The following FAM131C variants were observed in gnomAD, a reference collection of about 807,000 sequenced individuals.
FAM131C encodes the protein family with sequence similarity 131 member C.
In FAM131C, 14 loss-of-function variants were observed where a neutral mutation model predicts 29.8. The ratio of observed to expected loss-of-function variants is 0.47; its 90% CI spans 0.31 to 0.73. The LOEUF (loss-of-function observed/expected upper bound fraction) is 0.73, where lower values mean the gene tolerates loss of function less well. Ranked by LOEUF, FAM131C falls within the 30% of genes least tolerant of loss-of-function variation. FAM131C has a pLI of 0.05. For synonymous variants in FAM131C, 86 were observed against 157.8 expected (o/e 0.54, Z 3.41); for missense variants, 252 against 383.8 (o/e 0.66, Z 2.87).
chr1:16,073,355 G>T, intron 1 of FAM131C, 66 bp downstream of exon 1: 2 of 961,546 alleles, frequency 2.1e-6, no homozygotes, highest in Non-Finnish European at 2.7e-6. Flanking sequence ...CCAGGTCTCC[G>T]AGCGGCGAGG....
At chr1:16,071,807 G>A (rs2023752978) in intron 1 of FAM131C, among the ~76,000 whole-genome samples, 1 of 152,184 alleles carries the variant, frequency 6.6e-6, no homozygotes, top group African/African-American at 2.4e-5. Flanking sequence ...CTCTCAGGGT[G>A]ACCTTAGCAG....
chr1:16,064,502 G>A (rs1056220855), intron 1 of FAM131C, among the ~76,000 whole-genome samples: 1 of 152,038 alleles, frequency 6.6e-6, no homozygotes, highest in Non-Finnish European at 1.5e-5. Flanking sequence ...CGGTGTCACT[G>A]TGCCCTCTCC....
At position 16,073,615 on chromosome 1, in the gene FAM131C, C is replaced by T; in HGVS notation, c.-173G>A. 1 of 202,888 alleles carries T rather than the reference C, an allele frequency of 4.9e-6. No homozygotes were observed. Among genetic ancestry groups the T allele is most frequent in the Non-Finnish European group, 9.5e-6 (1 of 104,800 alleles). The allele number at this position is 202,888 out of a possible 1,614,324, so 12.6% of individuals were successfully genotyped here. A position where few individuals can be genotyped will look rare whatever the true frequency, so the allele number is the denominator to read the frequency against. On this transcript the variant is annotated 5_prime_UTR_variant, in exon 1 of 7. Transcript: ENST00000375662. Reference sequence around the variant, plus strand: ...GCCTGGGTCGTCCCTGCTGCCGCCGCGCCCGGCTCGCCTCGCGCCGCCGCC... The same window carrying T: ...GCCTGGGTCGTCCCTGCTGCCGCCGTGCCCGGCTCGCCTCGCGCCGCCGCC...
intron 4 of FAM131C, among the ~76,000 whole-genome samples, chr1:16,061,262 G>T (rs1243596390): frequency 2.8e-5 from 4 of 142,434 alleles, no homozygotes; most frequent in Non-Finnish European, 6.2e-5. Context: ...GGTTCAAGTG[G>T]CCCTTGAAGG....
At chr1:16,059,289 C>A (rs2023550758) in intron 6 of FAM131C, among the ~76,000 whole-genome samples, 1 of 151,368 alleles carries the variant, frequency 6.6e-6, no homozygotes, top group East Asian at 1.9e-4. Flanking sequence ...TTCCCGCCCC[C>A]ACTGTGCTCA....
chr1:16,066,320 A>G (rs993465951), intron 1 of FAM131C, among the ~76,000 whole-genome samples: 7 of 152,312 alleles, frequency 4.6e-5, no homozygotes, highest in Non-Finnish European at 1.0e-4. Flanking sequence ...CCAAGGAAAG[A>G]TCTTATTGAC....
chr1:16,073,382 C>T (rs2023778626), intron 1 of FAM131C, 39 bp downstream of exon 1: 5 of 1,152,308 alleles, frequency 4.3e-6, no homozygotes, highest in Middle Eastern at 3.3e-4. Flanking sequence ...CGCGGGTCCC[C>T]GGCACCCGAT....
chr1:16,062,107 G>A lies in FAM131C; in HGVS notation c.260C>T (p.Ser87Phe), dbSNP rs200579113. 7.2e-3 allele frequency: 11,385 copies of A among 1,586,574 alleles called. 227 individuals carry two copies. Among genetic ancestry groups the A allele is most frequent in the African/African-American group, 0.012 (871 of 71,498 alleles). The change falls in exon 4 of 7, where the codon TCC (serine) becomes TTC (phenylalanine). Residue 87 changes from serine to phenylalanine, a missense_variant. This residue lies in a region of FAM131C where 52 missense variants were observed against 105.9 expected (regional missense o/e 0.49). Coordinates refer to ENST00000375662, the MANE Select transcript of FAM131C (RefSeq NM_182623.3). ...TTGCGGCCAGAACCTACCCACAAGG[G>A]ACGAGGTGGCCAGGGCTGCCACGTT... ...NYNVAALATS[S>F]LVGVVQSIKD...
Position 16,059,992 on chromosome 1 carries a change from C to T in FAM131C, c.328G>A (p.Val110Met), listed in dbSNP as rs747744990. 18 of 1,561,922 alleles carry T rather than the reference C, an allele frequency of 1.2e-5. No homozygotes were observed. Among genetic ancestry groups the T allele is most frequent in the Middle Eastern group, 2.3e-4 (1 of 4,420 alleles). ...CCCTTCCACTCGATGAGGTGGGCCACGCGGCCTCGGGCCATGGCCGTGGGC... is the reference window on the plus strand; with the variant it reads ...CCCTTCCACTCGATGAGGTGGGCCATGCGGCCTCGGGCCATGGCCGTGGGC... ...TKPTAMARGR[V>M]AHLIEWKGWS... The change falls in exon 5 of 7, where the codon GTG (valine) becomes ATG (methionine). Residue 110 changes from valine (V) to methionine (M), a missense_variant. Physicochemically the swap from Val to Met is conservative, Grantham distance 21. Around this residue, in one of 6 missense-constraint regions of FAM131C, gnomAD observed 52 missense variants for 105.9 expected, o/e 0.49. Transcript: ENST00000375662.
intron 3 of FAM131C, 100 bp from the exon 4 acceptor site, chr1:16,062,292 C>T: frequency 6.7e-7 from 1 of 1,502,048 alleles, no homozygotes; most frequent in Non-Finnish European, 8.9e-7. Context: ...TCACCAGGTC[C>T]TCTGGCCAGT....
Position 16,073,579 on chromosome 1 carries a change from C to T in FAM131C, c.-137G>A, listed in dbSNP as rs2023781954. 3 of 318,504 alleles carry T rather than the reference C, an allele frequency of 9.4e-6. No individual in the cohort carries two copies. Among genetic ancestry groups the T allele is most frequent in the East Asian group, 6.9e-5 (1 of 14,510 alleles). 19.7% of individuals were successfully genotyped at this position (318,504 alleles called of 1,614,324 possible). On this transcript the variant is annotated 5_prime_UTR_variant, in exon 1 of 7. Coordinates refer to ENST00000375662, the MANE Select transcript of FAM131C (RefSeq NM_182623.3). ...GGGGGCTCGGGCGCCCTCAGCTCGG[C>T]CTCAGCTCCAGCCTGGGTCGTCCCT...
At chr1:16,066,550 A>G (rs1384701027) in intron 1 of FAM131C, among the ~76,000 whole-genome samples, 2 of 152,220 alleles carry the variant, frequency 1.3e-5, no homozygotes, top group African/African-American at 4.8e-5. Flanking sequence ...TTCAAAGGCA[A>G]TGTTCAAACT....
intron 3 of FAM131C, 110 bp downstream of exon 3, chr1:16,062,389 C>CCCG: frequency 1.6e-6 from 2 of 1,243,014 alleles, no homozygotes; most frequent in South Asian, 3.1e-5. Flanking sequence ...GGCCCCCCCC[C>CCCG]CCCCCGCCCC....
intron 1 of FAM131C, among the ~76,000 whole-genome samples, chr1:16,067,310 T>C (rs1048631168): frequency 6.6e-6 from 1 of 152,144 alleles, no homozygotes; most frequent in African/African-American, 2.4e-5. Context: ...CAGCTGGGAC[T>C]GGTGGTCACG....
At chr1:16,071,483 G>A (rs1449541370) in intron 1 of FAM131C, among the ~76,000 whole-genome samples, 2 of 152,190 alleles carry the variant, frequency 1.3e-5, no homozygotes, top group African/African-American at 4.8e-5. Flanking sequence ...ATAAGGAGAG[G>A]GCAGGGTGGG....
intron 1 of FAM131C, among the ~76,000 whole-genome samples, chr1:16,064,578 C>T (rs922058908): frequency 1.3e-5 from 2 of 152,158 alleles, no homozygotes; most frequent in African/African-American, 2.4e-5. Context: ...GGCTCTGGAC[C>T]TTCTCCTGCA....
intron 2 of FAM131C, 38 bp from the exon 3 acceptor site, chr1:16,062,572 G>C: frequency 6.4e-7 from 1 of 1,555,636 alleles, no homozygotes; most frequent in East Asian, 2.4e-5. Flanking sequence ...GCAGGGCCTG[G>C]CACGCTGTGC....
intron 6 of FAM131C, 21 bp downstream of exon 6, chr1:16,059,473 C>G: frequency 1.2e-6 from 2 of 1,610,784 alleles, no homozygotes; most frequent in Non-Finnish European, 1.7e-6. Context: ...ACCCCCGCCC[C>G]CTGGACCCTC....
At chr1:16,070,985 C>T (rs995179400) in intron 1 of FAM131C, among the ~76,000 whole-genome samples, 25 of 152,368 alleles carry the variant, frequency 1.6e-4, no homozygotes, top group African/African-American at 6.0e-4. Flanking sequence ...TGGGGTTTGG[C>T]TGGGTGGCCC....
Sources: allele counts gnomAD v4.1 joint callset (sites outside exome capture counted in the v4.1 genomes callset), GRCh38; gene constraint gnomAD v4.1.1; regional missense constraint gnomAD v4.1.1; transcripts MANE v1.5; gene names NCBI Gene and HGNC (gene_info 2026-07-23, HGNC 2026-07-21).